The following FSD1L variants were observed in gnomAD, a reference collection of about 807,000 sequenced individuals.
The protein encoded by FSD1L is fibronectin type III and SPRY domain containing 1 like.
FSD1L carries 45 observed loss-of-function variants against 71.6 expected under a neutral mutation model. The observed-to-expected ratio is 0.63, with a 90% CI of 0.49 to 0.81. The LOEUF (loss-of-function observed/expected upper bound fraction) is 0.81, where lower values mean the gene tolerates loss of function less well. Ranked by LOEUF, FSD1L falls within the 30% of genes least tolerant of loss-of-function variation. The pLI is 0.00. For synonymous variants in FSD1L, 197 were observed against 207.2 expected (o/e 0.95, Z 0.42); for missense variants, 561 against 618.1 (o/e 0.91, Z 0.98).
chr9:105,453,536 T>A (rs1830184521), intron 1 of FSD1L, among the ~76,000 whole-genome samples: 3 of 152,086 alleles, frequency 2.0e-5, no homozygotes, highest in Non-Finnish European at 4.4e-5. Context: ...TCTGTCTGCA[T>A]GTATCTTTCC....
chr9:105,457,436 A>G (rs1315099826), intron 1 of FSD1L, among the ~76,000 whole-genome samples: 2 of 152,232 alleles, frequency 1.3e-5, no homozygotes, highest in African/African-American at 4.8e-5. Flanking sequence ...TCATTACCCT[A>G]GCTGAAGTAT....
At chr9:105,482,683 C>A (rs927136615) in intron 6 of FSD1L, among the ~76,000 whole-genome samples, 1 of 152,122 alleles carries the variant, frequency 6.6e-6, no homozygotes, top group African/African-American at 2.4e-5. Context: ...TAAATTGATT[C>A]ATGGAAACTT....
Position 105,472,011 on chromosome 9 carries a change from C to T in FSD1L, c.441+6C>T, listed in dbSNP as rs1831509778. ...AACCTGAAGAATTTTCAAAGGTACA[C>T]AAAAACTGCATTAATACACTTAACA... On this transcript the variant is annotated splice_donor_region_variant and intron_variant, in intron 5 of 13. Coordinates refer to ENST00000481272, the MANE Select transcript of FSD1L (RefSeq NM_001145313.3). The T allele has an allele frequency of 7.0e-7, 1 of 1,421,774 alleles. No homozygotes were observed. Among genetic ancestry groups the T allele is most frequent in the South Asian group, 1.6e-5 (1 of 64,394 alleles). The allele number at this position is 1,421,774 out of a possible 1,614,324, so 88.1% of individuals were successfully genotyped here.
chr9:105,468,962 A>G (rs1353211765), intron 4 of FSD1L, among the ~76,000 whole-genome samples: 1 of 152,086 alleles, frequency 6.6e-6, no homozygotes, highest in Non-Finnish European at 1.5e-5. Flanking sequence ...GGCAATCATC[A>G]TGTTATTTTC....
At chr9:105,508,852 G>A in intron 9 of FSD1L, 137 bp downstream of exon 9, 1 of 533,094 alleles carries the variant, frequency 1.9e-6, no homozygotes, top group Non-Finnish European at 3.3e-6. Context: ...TCAACAGTAA[G>A]AATTTTAAGG....
At chr9:105,446,648 G>A (rs1172793262), upstream of FSD1L, among the ~76,000 whole-genome samples, 1 of 151,900 alleles carries the variant, frequency 6.6e-6, no homozygotes, top group Non-Finnish European at 1.5e-5. Context: ...GGGATTACAG[G>A]TGTGAGCCAC....
upstream of FSD1L, among the ~76,000 whole-genome samples, chr9:105,445,112 G>A (rs76978909): frequency 0.013 from 1,974 of 152,340 alleles, 44 homozygotes; most frequent in African/African-American, 0.045. Context: ...CAGAGGTACT[G>A]GGAGGGATTG....
chr9:105,503,087 T>C (rs923776261), intron 7 of FSD1L, among the ~76,000 whole-genome samples: 2 of 151,968 alleles, frequency 1.3e-5, no homozygotes, highest in Non-Finnish European at 2.9e-5. Context: ...GGGGTCTCAC[T>C]TTGTTGCCCA....
intron 10 of FSD1L, among the ~76,000 whole-genome samples, chr9:105,528,492 A>G (rs1835668937): frequency 1.3e-5 from 2 of 152,178 alleles, no homozygotes; most frequent in Non-Finnish European, 2.9e-5. Context: ...ATCTACAACC[A>G]TCTCATCTTT....
At chr9:105,509,377 A>G (rs1373769103) in intron 9 of FSD1L, among the ~76,000 whole-genome samples, 1 of 152,192 alleles carries the variant, frequency 6.6e-6, no homozygotes, top group Non-Finnish European at 1.5e-5. Context: ...TCTGAAAGCA[A>G]TTGGGGTTTA....
chr9:105,535,270 G>A lies in FSD1L; in HGVS notation c.1330G>A (p.Asp444Asn), dbSNP rs201446130. The A allele has an allele frequency of 1.7e-5, 26 of 1,551,652 alleles. No homozygotes were observed. The Middle Eastern group carries it at 6.7e-4, about 40-fold the overall frequency. ...AKHNNKVKAL[D>N]VTVPEKIGVF... is the part of the protein sequence containing the mutation. ...GCATAATAATAAAGTCAAAGCTTTG[G>A]ATGTTACTGTTCCTGAAAAAATAGG... is the stretch of plus-strand genomic sequence containing the variant. The change falls in exon 12 of 14, where the codon GAT becomes AAT. Residue 444 changes from aspartate to asparagine, a missense_variant. Physicochemically the swap from Asp to Asn is conservative, Grantham distance 23 (BLOSUM62 1). This residue lies in a region of FSD1L where 98 missense variants were observed against 102.3 expected (regional missense o/e 0.96). Coordinates refer to ENST00000481272, the MANE Select transcript of FSD1L (RefSeq NM_001145313.3).
rs916700628 is a variant in FSD1L at position 105,461,357 on chromosome 9, C to CA, written c.16-154dup. On this transcript the variant is annotated intron_variant, in intron 1 of 13. Coordinates refer to ENST00000481272, the MANE Select transcript of FSD1L (RefSeq NM_001145313.3). ...AAACTGAATTTTGAACACTCCGTACCAAAAAAAAAGAAAAACTCATTAATT... is the reference window on the plus strand; with the variant it reads ...AAACTGAATTTTGAACACTCCGTACCAAAAAAAAAAGAAAAACTCATTAATT... Among the ~76,000 whole-genome samples, 1,295 of 147,618 alleles carry CA rather than the reference C, an allele frequency of 8.8e-3. 19 individuals carry two copies. The highest frequency in any genetic ancestry group is 0.03 in the African/African-American group (1,222 of 40,250).
rs576537000 is a variant in FSD1L at position 105,520,089 on chromosome 9, TGTGGCAGTGGCA to T, written c.1025+7173_1025+7184del. 15,133 of 1,583,428 alleles carry T rather than the reference TGTGGCAGTGGCA, an allele frequency of 9.6e-3. 107 individuals are homozygous for T. Among genetic ancestry groups the T allele is most frequent in the Middle Eastern group, 0.021 (94 of 4,388 alleles). On this transcript the variant is annotated intron_variant, in intron 10 of 13. Transcript: ENST00000481272. ...CCACTTTCTGCCGCTGGGAGCCGGC[TGTGGCAGTGGCA>T]GTGGCAGTGGCAGTGGCAGCGGCAG...
intron 10 of FSD1L, among the ~76,000 whole-genome samples, chr9:105,529,065 T>C (rs1451118466): frequency 6.6e-6 from 1 of 152,114 alleles, no homozygotes; most frequent in East Asian, 1.9e-4. Flanking sequence ...AAAACCACCA[T>C]GAGATACCAT....
intron 7 of FSD1L, among the ~76,000 whole-genome samples, chr9:105,490,295 A>C (rs985400356): frequency 2.0e-5 from 3 of 152,060 alleles, no homozygotes; most frequent in African/African-American, 7.2e-5. Context: ...TGGCTGCATA[A>C]ATGTCTTCTT....
intron 9 of FSD1L, 73 bp downstream of exon 9, chr9:105,508,788 G>C: frequency 2.3e-6 from 2 of 876,958 alleles, no homozygotes; most frequent in Non-Finnish European, 3.5e-6. Flanking sequence ...TTTGTAACAG[G>C]AAGCACTTCA....
chr9:105,520,086 G>A lies in FSD1L; in HGVS notation c.1025+7150G>A, dbSNP rs112185360. On this transcript the variant is annotated intron_variant, in intron 10 of 13. Coordinates refer to ENST00000481272, the MANE Select transcript of FSD1L (RefSeq NM_001145313.3). ...CCTCCACTTTCTGCCGCTGGGAGCC[G>A]GCTGTGGCAGTGGCAGTGGCAGTGG... 2,641 of 1,578,742 alleles carry A rather than the reference G, an allele frequency of 1.7e-3. 41 individuals are homozygous for A. In the African/African-American group the frequency reaches 0.032, roughly 19 times the overall value.
chr9:105,502,523 C>A (rs1175005540), intron 7 of FSD1L, among the ~76,000 whole-genome samples: 1 of 152,052 alleles, frequency 6.6e-6, no homozygotes, highest in African/African-American at 2.4e-5. Flanking sequence ...ACATTTTTCC[C>A]CCATAATGTT....
intron 7 of FSD1L, among the ~76,000 whole-genome samples, chr9:105,502,437 T>C (rs888563348): frequency 2.8e-4 from 42 of 152,196 alleles, no homozygotes; most frequent in African/African-American, 1.0e-3. Context: ...TACGTGTTGA[T>C]TTATAGCAGT....
Sources: allele counts gnomAD v4.1 joint callset (sites outside exome capture counted in the v4.1 genomes callset), GRCh38; gene constraint gnomAD v4.1.1; regional missense constraint gnomAD v4.1.1; transcripts MANE v1.5; gene names NCBI Gene and HGNC (gene_info 2026-07-23, HGNC 2026-07-21).